B3GALT5: variants seen among roughly 807,000 people sequenced by gnomAD.
The protein encoded by B3GALT5 is beta-1,3-galactosyltransferase 5.
For missense variants in B3GALT5, 328 were observed against 396.6 expected, an observed-to-expected ratio of 0.83 and a Z score of 1.47; for synonymous variants, 156 against 158.6, an observed-to-expected ratio of 0.98 and a Z score of 0.12.
intron 1 of B3GALT5, among the ~76,000 whole-genome samples, chr21:39,636,213 A>G (rs2079226491): frequency 6.6e-6 from 1 of 152,240 alleles, no homozygotes; most frequent in Admixed American, 6.5e-5. Flanking sequence ...CATGTAAAGA[A>G]TTTAATGCAG....
At chr21:39,640,974 G>T (rs139562282) in intron 1 of B3GALT5, among the ~76,000 whole-genome samples, 1 of 152,042 alleles carries the variant, frequency 6.6e-6, no homozygotes, top group Non-Finnish European at 1.5e-5. Flanking sequence ...CGAACTCCTG[G>T]GCTCAAGCGA....
intron 2 of B3GALT5, among the ~76,000 whole-genome samples, chr21:39,657,143 C>T (rs1449997841): frequency 1.3e-5 from 2 of 152,228 alleles, no homozygotes; most frequent in East Asian, 1.9e-4. Flanking sequence ...AGTTACAGAG[C>T]AAAGCCTGGT....
chr21:39,650,551 C>A (rs2079384823), intron 2 of B3GALT5, among the ~76,000 whole-genome samples: 1 of 152,146 alleles, frequency 6.6e-6, no homozygotes, highest in Non-Finnish European at 1.5e-5. Context: ...GAAACCATTC[C>A]TCCCTGGGTG....
intron 1 of B3GALT5, among the ~76,000 whole-genome samples, chr21:39,614,702 C>G (rs1206561707): frequency 1.3e-5 from 2 of 152,190 alleles, no homozygotes; most frequent in Admixed American, 6.5e-5. Flanking sequence ...GCTACAGATT[C>G]AGGCCAGTTC....
At chr21:39,650,986 A>AT (rs2079390172) in intron 2 of B3GALT5, among the ~76,000 whole-genome samples, 1 of 151,186 alleles carries the variant, frequency 6.6e-6, no homozygotes, top group Non-Finnish European at 1.5e-5. Flanking sequence ...GAAAAAAAAA[A>AT]CCTTCTTCTA....
intron 1 of B3GALT5, among the ~76,000 whole-genome samples, chr21:39,639,214 AG>A (rs2079253217): frequency 6.6e-6 from 1 of 152,178 alleles, no homozygotes; most frequent in Non-Finnish European, 1.5e-5. Context: ...GACTTTGCCT[AG>A]CATGAAAGAT....
chr21:39,660,349 G>A (rs1242571192), intron 3 of B3GALT5, among the ~76,000 whole-genome samples: 1 of 152,212 alleles, frequency 6.6e-6, no homozygotes, highest in East Asian at 1.9e-4. Context: ...GAATCTCTGA[G>A]CTTTTTATCT....
intron 2 of B3GALT5, among the ~76,000 whole-genome samples, chr21:39,648,169 C>G (rs903524159): frequency 6.6e-6 from 1 of 152,044 alleles, no homozygotes; most frequent in Non-Finnish European, 1.5e-5. Flanking sequence ...CGAAATTGTT[C>G]AAATAAAATC....
At chr21:39,626,294 G>GTA (rs891049875) in intron 1 of B3GALT5, among the ~76,000 whole-genome samples, 2 of 152,168 alleles carry the variant, frequency 1.3e-5, no homozygotes, top group African/African-American at 4.8e-5. Context: ...TTCACTGTGT[G>GTA]TATATATATA....
At chr21:39,623,162 T>C (rs2079143183) in intron 1 of B3GALT5, among the ~76,000 whole-genome samples, 1 of 135,102 alleles carries the variant, frequency 7.4e-6, no homozygotes, top group Non-Finnish European at 1.6e-5. Flanking sequence ...TTTCTCTTTC[T>C]TTCTCTCTCT....
At chr21:39,620,176 T>A (rs2079127087) in intron 1 of B3GALT5, among the ~76,000 whole-genome samples, 1 of 152,212 alleles carries the variant, frequency 6.6e-6, no homozygotes, top group Admixed American at 6.5e-5. Context: ...TCCTGTAATG[T>A]CCTTTTTCTG....
chr21:39,661,306 C>A lies in B3GALT5; in HGVS notation c.747C>A (p.Cys249Ter). 6.8e-6 allele frequency: 11 copies of A among 1,614,146 alleles called. No individual in the cohort carries two copies. Among genetic ancestry groups the A allele is most frequent in the Non-Finnish European group, 9.3e-6 (11 of 1,180,016 alleles). The change falls in exon 4 of 4, where the codon TGC (cysteine) becomes TGA (stop). Residue 249 changes from cysteine (C) to a stop codon, truncating the protein, a stop_gained. Coordinates refer to ENST00000684187, the MANE Select transcript of B3GALT5 (RefSeq NM_001356336.2). LOFTEE classifies it low-confidence loss of function (END_TRUNC). The surrounding 1 kb of genome is among the most constrained non-coding windows in gnomAD (Gnocchi z 4.7). Reference protein sequence around the residue: ...IKLEDVFVGLCLERLNIRLEE... With the variant: ...IKLEDVFVGL ...TGGAAGACGTGTTTGTGGGGCTCTGCCTCGAAAGGCTGAACATCAGATTGG... is the reference window on the plus strand; with the variant it reads ...TGGAAGACGTGTTTGTGGGGCTCTGACTCGAAAGGCTGAACATCAGATTGG...
chr21:39,632,529 T>C (rs1210627067), intron 1 of B3GALT5, among the ~76,000 whole-genome samples: 1 of 152,208 alleles, frequency 6.6e-6, no homozygotes, highest in Non-Finnish European at 1.5e-5. Context: ...TGTTGAATGT[T>C]TTTTGGGGAT....
chr21:39,632,509 A>T (rs969677426), intron 1 of B3GALT5, among the ~76,000 whole-genome samples: 9 of 152,254 alleles, frequency 5.9e-5, no homozygotes, highest in African/African-American at 2.2e-4. Context: ...CACGTAATTG[A>T]GGTAGGGTCT....
chr21:39,638,831 G>A (rs147314634), intron 1 of B3GALT5, among the ~76,000 whole-genome samples: 6 of 152,256 alleles, frequency 3.9e-5, no homozygotes, highest in African/African-American at 1.4e-4. Context: ...TGGAAGAAGC[G>A]AGTCACTCCC....
At chr21:39,637,773 A>G (rs950987834) in intron 1 of B3GALT5, among the ~76,000 whole-genome samples, 10 of 152,260 alleles carry the variant, frequency 6.6e-5, no homozygotes, top group Non-Finnish European at 1.3e-4. Context: ...TCAAAAGGGA[A>G]TACTTGACAA....
intron 1 of B3GALT5, among the ~76,000 whole-genome samples, chr21:39,628,322 G>C (rs2079174548): frequency 6.6e-6 from 1 of 152,170 alleles, no homozygotes; most frequent in Non-Finnish European, 1.5e-5. Context: ...ATTGTGTAGT[G>C]GTCTAGTCAG....
chr21:39,661,306 C>T lies in B3GALT5; in HGVS notation c.747C>T (p.Cys249=), dbSNP rs1295739028. The part of the protein sequence containing the change: ...IKLEDVFVGL[C]LERLNIRLEE... Reference sequence around the variant, plus strand: ...TGGAAGACGTGTTTGTGGGGCTCTGCCTCGAAAGGCTGAACATCAGATTGG... The same window carrying T: ...TGGAAGACGTGTTTGTGGGGCTCTGTCTCGAAAGGCTGAACATCAGATTGG... The change falls in exon 4 of 4, where the codon TGC becomes TGT. Residue 249 remains cysteine, a synonymous_variant. Transcript: ENST00000684187. This position sits in a 1 kb window ranked among gnomAD's most constrained non-coding sequence, Gnocchi z 4.7. 1.2e-6 allele frequency: 2 copies of T among 1,614,028 alleles called. No homozygotes were observed. Among genetic ancestry groups the T allele is most frequent in the Non-Finnish European group, 1.7e-6 (2 of 1,180,024 alleles).
At chr21:39,622,839 C>T (rs1260090895) in intron 1 of B3GALT5, among the ~76,000 whole-genome samples, 1 of 151,514 alleles carries the variant, frequency 6.6e-6, no homozygotes, top group African/African-American at 2.4e-5. Context: ...TTCTACATTC[C>T]CATTTTACTT....
Sources: gnomAD v4.1 joint callset for allele counts (sites outside exome capture counted in the v4.1 genomes callset) on GRCh38, gnomAD v4.1.1 for gene constraint, Gnocchi (gnomAD v3.1) non-coding constraint, MANE v1.5 for transcripts, NCBI Gene and HGNC (gene_info 2026-07-23, HGNC 2026-07-21) for gene names.